The following OR2T5 variants were observed in gnomAD, a reference collection of about 807,000 sequenced individuals.
OR2T5 encodes the protein olfactory receptor family 2 subfamily T member 5, also known as olfactory receptor 2T5.
For missense variants in OR2T5, 8 were observed against 155.6 expected, an observed-to-expected ratio of 0.05 and a Z score of 5.05; for synonymous variants, 3 against 57.9, an observed-to-expected ratio of 0.05 and a Z score of 4.30.
chr1:248,489,287 CTCAGCAGAG>C lies in OR2T5; in HGVS notation c.700_708del (p.Ser234_Glu236del). The C allele has an allele frequency of 3.0e-5, 2 of 66,464 alleles. No homozygotes were observed. The highest frequency in any genetic ancestry group is 4.8e-5 in the Non-Finnish European group (2 of 41,914). 4.1% of individuals were successfully genotyped at this position (66,464 alleles called of 1,614,324 possible). A position where few individuals can be genotyped will look rare whatever the true frequency, so the allele number is the denominator to read the frequency against. On this transcript the variant is annotated inframe_deletion, in exon 1 of 1. Coordinates refer to ENST00000641363, the MANE Select transcript of OR2T5 (RefSeq NM_001004697.2). ...TCCTCCTCACCGTCCACAGGATGAA[CTCAGCAGAG>C]GGCCGGAAAAAGGCCTTTGCCACCT...
Position 248,489,357 on chromosome 1 carries a change from G to GATA in OR2T5, c.769_770insATA (p.Gly257delinsAspArg). ...CCTGACTGTGGTCATCCTCTTCTAT[G>GATA]GGGCTGCCGTCTACACCTACATGCT... On this transcript the variant is annotated protein_altering_variant, in exon 1 of 1. Transcript: ENST00000641363. 5.8e-5 allele frequency: 3 copies of GATA among 51,340 alleles called. No homozygotes were observed. The highest frequency in any genetic ancestry group is 2.1e-4 in the South Asian group (1 of 4,694). 3.2% of individuals were successfully genotyped at this position (51,340 alleles called of 1,614,324 possible).
In OR2T5 at chr1:248,489,361, CT is replaced by C; in HGVS notation, c.774del (p.Ala259ProfsTer18). ...ACTGTGGTCATCCTCTTCTATGGGG[CT>C]GCCGTCTACACCTACATGCTCCCCA... Reference protein sequence around the residue: ...HLTVVILFYGAAVYTYMLPSS... With the variant: ...HLTVVILFYGXAVYTYMLPSS... On this transcript the variant is annotated frameshift_variant, in exon 1 of 1. Transcript: ENST00000641363. LOFTEE classifies it low-confidence loss of function (END_TRUNC). The C allele has an allele frequency of 3.6e-5, 2 of 55,220 alleles. No homozygotes were observed. Among genetic ancestry groups the C allele is most frequent in the South Asian group, 2.0e-4 (1 of 5,068 alleles). The allele number at this position is 55,220 out of a possible 1,614,324, so 3.4% of individuals were successfully genotyped here.
Position 248,489,075 on chromosome 1 carries a change from CT to C in OR2T5, c.488del (p.Leu163ProfsTer6). 2 of 343,348 alleles carry C rather than the reference CT, an allele frequency of 5.8e-6. No homozygotes were observed. The highest frequency in any genetic ancestry group is 9.7e-6 in the Non-Finnish European group (2 of 205,912). 21.3% of individuals were successfully genotyped at this position (343,348 alleles called of 1,614,324 possible). A position where few individuals can be genotyped will look rare whatever the true frequency, so the allele number is the denominator to read the frequency against. On this transcript the variant is annotated frameshift_variant, in exon 1 of 1. Coordinates refer to ENST00000641363, the MANE Select transcript of OR2T5 (RefSeq NM_001004697.2). LOFTEE classifies it low-confidence loss of function (END_TRUNC). Reference sequence around the variant, plus strand: ...CCTGGGCTCAGTGGATGGCTTCATGCTCACTCCCATCACCATGAGCTTCCCC... The same window carrying C: ...CCTGGGCTCAGTGGATGGCTTCATGCCACTCCCATCACCATGAGCTTCCCC... ...WFLGSVDGFM[L>X]TPITMSFPFC... is the part of the protein sequence containing the mutation.
rs200140860 is a variant in OR2T5 at position 248,489,448 on chromosome 1, C to T, written c.860C>T (p.Pro287Leu). ...MVSVFYTILT[P>L]VLNPLIYSLR... ...TCTGTCTTCTATACCATCCTCACTC[C>T]GGTGCTGAACCCTTTAATCTATAGT... Residue 287 changes from proline to leucine, a missense_variant, in exon 1 of 1, where the codon CCG becomes CTG. Transcript: ENST00000641363. 1.7e-3 allele frequency: 18 copies of T among 10,326 alleles called. No homozygotes were observed. In the African/African-American group the frequency reaches 0.068, roughly 39 times the overall value. The allele number at this position is 10,326 out of a possible 1,614,324, so 0.6% of individuals were successfully genotyped here. A position where few individuals can be genotyped will look rare whatever the true frequency, so the allele number is the denominator to read the frequency against.
chr1:248,489,285 A>AT lies in OR2T5; in HGVS notation c.697_698insT (p.Asn233IlefsTer41). The AT allele has an allele frequency of 3.1e-5, 2 of 64,166 alleles. No homozygotes were observed. The highest frequency in any genetic ancestry group is 4.9e-5 in the Non-Finnish European group (2 of 40,416). The allele number at this position is 64,166 out of a possible 1,614,324, so 4.0% of individuals were successfully genotyped here. ...CATCCTCCTCACCGTCCACAGGATG[A>AT]ACTCAGCAGAGGGCCGGAAAAAGGC... On this transcript the variant is annotated frameshift_variant, in exon 1 of 1. Transcript: ENST00000641363. LOFTEE classifies it low-confidence loss of function (END_TRUNC).
Sources: gnomAD v4.1 joint callset for allele counts on GRCh38, gnomAD v4.1.1 for gene constraint, MANE v1.5 for transcripts, NCBI Gene and HGNC (gene_info 2026-07-23, HGNC 2026-07-21) for gene names.